Variants in WHRN observed in about 807,000 individuals in gnomAD.
The protein encoded by WHRN is whirlin.
A neutral mutation model predicts 68.3 loss-of-function variants in WHRN; 41 were observed. That is an observed-to-expected ratio of 0.60 (90% CI 0.47 to 0.78). WHRN has a LOEUF of 0.78. Among genes scored for constraint, WHRN ranks in the 30% least tolerant of loss-of-function variants. The pLI, the probability that WHRN is intolerant of heterozygous loss-of-function variation, is 0.00. For synonymous variants in WHRN, 560 were observed against 561.3 expected, an observed-to-expected ratio of 1.00 and a Z score of 0.03; for missense variants, 1,243 against 1,244.7, an observed-to-expected ratio of 1.00 and a Z score of 0.02.
At chr9:114,465,312 G>C (rs1036913140) in intron 3 of WHRN, among the ~76,000 whole-genome samples, 2 of 152,318 alleles carry the variant, frequency 1.3e-5, no homozygotes, top group African/African-American at 4.8e-5. Context: ...TTGTTACAAA[G>C]ATACAACCTC....
At position 114,486,593 on chromosome 9, in the gene WHRN, A is replaced by G. The variant is rs56216634; in HGVS notation, c.619-7822T>C. Among the ~76,000 whole-genome samples, 996 of 152,176 alleles carry G rather than the reference A, an allele frequency of 6.5e-3. 7 individuals carry two copies. The highest frequency in any genetic ancestry group is 0.023 in the African/African-American group (954 of 41,456). ...ATCTGTTCAAATTAGGACACAGAGC[A>G]GTGCTCTTTCAGATCAGTAGTCAGG... On this transcript the variant is annotated intron_variant, in intron 1 of 11. Transcript: ENST00000362057.
At chr9:114,480,373 C>T (rs1490511392) in intron 1 of WHRN, among the ~76,000 whole-genome samples, 2 of 152,174 alleles carry the variant, frequency 1.3e-5, no homozygotes, top group Non-Finnish European at 2.9e-5. Flanking sequence ...CGCCGAAGCC[C>T]TATCCTCAAT....
At chr9:114,503,327 A>G (rs1415938054) in intron 1 of WHRN, 1 of 410,816 alleles carries the variant, frequency 2.4e-6, no homozygotes, top group African/African-American at 2.2e-5. Flanking sequence ...TTGTACGCAA[A>G]GGAGGTCGGG....
chr9:114,413,856 C>T (rs1475838756), intron 7 of WHRN, among the ~76,000 whole-genome samples: 3 of 152,198 alleles, frequency 2.0e-5, no homozygotes, highest in Non-Finnish European at 4.4e-5. Context: ...TCCTTGTAAC[C>T]AGGCCTGTGC....
intron 3 of WHRN, among the ~76,000 whole-genome samples, chr9:114,434,712 T>C (rs1018722881): frequency 3.9e-5 from 6 of 152,160 alleles, no homozygotes; most frequent in Non-Finnish European, 8.8e-5. Flanking sequence ...TACCACAGCC[T>C]CCTAAGGGGC....
At position 114,423,434 on chromosome 9, in the gene WHRN, G is replaced by A. The variant is rs759882983; in HGVS notation, c.1506C>T (p.Ser502=). ...DHLVLRREIE[S]MKARQPPGPG... The stretch of plus-strand genomic sequence containing the variant: ...GGCCTGGGGGCTGCCGCGCCTTCAT[G>A]GACTCAATCTCACGCCTCAGCACCA... The change falls in exon 7 of 12, where the codon TCC becomes TCT. Residue 502 remains serine, a synonymous_variant. Coordinates refer to ENST00000362057, the MANE Select transcript of WHRN (RefSeq NM_015404.4). 6.2e-7 allele frequency: 1 copy of A among 1,614,092 alleles called. No homozygotes were observed.
chr9:114,492,493 T>A (rs752766015), intron 1 of WHRN, among the ~76,000 whole-genome samples: 4 of 152,196 alleles, frequency 2.6e-5, no homozygotes, highest in Non-Finnish European at 5.9e-5. Flanking sequence ...TCATCATACA[T>A]CGCTTGGTGT....
At chr9:114,462,222 A>T (rs1256788437) in intron 3 of WHRN, among the ~76,000 whole-genome samples, 2 of 152,210 alleles carry the variant, frequency 1.3e-5, no homozygotes, top group African/African-American at 4.8e-5. Context: ...CTGGGTCTAC[A>T]GTCCCACAGA....
intron 2 of WHRN, among the ~76,000 whole-genome samples, chr9:114,467,387 C>T (rs913962754): frequency 7.2e-5 from 11 of 151,984 alleles, no homozygotes; most frequent in East Asian, 1.9e-4. Flanking sequence ...GTGAGCAGCG[C>T]GTGACAAAGT....
chr9:114,502,641 C>T (rs1354629835), intron 1 of WHRN, among the ~76,000 whole-genome samples: 2 of 152,152 alleles, frequency 1.3e-5, no homozygotes, highest in Non-Finnish European at 2.9e-5. Context: ...ATTGAAGGGA[C>T]AGTCTGCGTT....
intron 2 of WHRN, among the ~76,000 whole-genome samples, chr9:114,468,059 G>A (rs1388922679): frequency 6.6e-6 from 1 of 152,210 alleles, no homozygotes; most frequent in Admixed American, 6.5e-5. Flanking sequence ...TGGTGAACAA[G>A]AGAGACTCAA....
At chr9:114,403,474 C>G (rs1272534217) in intron 10 of WHRN, 135 bp from the exon 11 acceptor site, 1 of 1,178,478 alleles carries the variant, frequency 8.5e-7, no homozygotes, top group African/African-American at 1.5e-5. Context: ...CTCAGGTGTG[C>G]AACGCACTAA....
intron 3 of WHRN, among the ~76,000 whole-genome samples, chr9:114,456,578 A>G (rs2132797902): frequency 6.6e-6 from 1 of 152,298 alleles, no homozygotes; most frequent in Non-Finnish European, 1.5e-5. Flanking sequence ...CTGTAATCCC[A>G]GCACTTTGGG....
At chr9:114,451,811 TG>T (rs1286485116) in intron 3 of WHRN, among the ~76,000 whole-genome samples, 1 of 152,246 alleles carries the variant, frequency 6.6e-6, no homozygotes, top group Non-Finnish European at 1.5e-5. Context: ...TAGACCCACC[TG>T]GGTTTGAATC....
At chr9:114,452,917 T>A (rs977732034) in intron 3 of WHRN, among the ~76,000 whole-genome samples, 2 of 151,748 alleles carry the variant, frequency 1.3e-5, no homozygotes, top group Non-Finnish European at 2.9e-5. Flanking sequence ...TAGAGCCCCG[T>A]TGCCATCAGG....
chr9:114,404,914 T>C (rs545946248), intron 9 of WHRN, among the ~76,000 whole-genome samples: 8 of 151,866 alleles, frequency 5.3e-5, no homozygotes, highest in Admixed American at 2.6e-4. Flanking sequence ...CCGGCTGTTA[T>C]ACACATAGTG....
rs756372962 is a variant in WHRN, at chr9:114,504,355, G to T, written c.447C>A (p.His149Gln). 6.2e-7 allele frequency: 1 copy of T among 1,608,202 alleles called. No individual in the cohort carries two copies. The highest frequency in any genetic ancestry group is 1.7e-5 in the Admixed American group (1 of 60,030). The change falls in exon 1 of 12, where the codon CAC becomes CAA. Residue 149 changes from histidine to glutamine, a missense_variant. Coordinates refer to ENST00000362057, the MANE Select transcript of WHRN (RefSeq NM_015404.4). ...CACGGATGCTGAAGCCCAAGCCCTC[G>T]TGGGCCTTGGCACGCCGCAAACTCA... ...RLVSLRRAKA[H>Q]EGLGFSIRGG...
At chr9:114,461,833 C>T (rs1156245881) in intron 3 of WHRN, among the ~76,000 whole-genome samples, 1 of 152,180 alleles carries the variant, frequency 6.6e-6, no homozygotes, top group Admixed American at 6.5e-5. Context: ...GGTATTATTA[C>T]AATTGTAACT....
Position 114,424,397 on chromosome 9 carries a change from A to T in WHRN, c.1353T>A (p.Gly451=), listed in dbSNP as rs4979387. The T allele has an allele frequency of 6.2e-7, 1 of 1,612,630 alleles. No homozygotes were observed. The highest frequency in any genetic ancestry group is 8.5e-7 in the Non-Finnish European group (1 of 1,179,962). ...CGAGGGCCTCCACAGAGACGCTGCCACCACGGTACTCATCCAGGTAGTAGG... is the reference window on the plus strand; with the variant it reads ...CGAGGGCCTCCACAGAGACGCTGCCTCCACGGTACTCATCCAGGTAGTAGG... ...TMAYYLDEYR[G]GSVSVEALVM... Residue 451 remains glycine (G), a synonymous_variant, in exon 6 of 12, where the codon GGT becomes GGA. Transcript: ENST00000362057.
Sources: gnomAD v4.1 joint callset for allele counts (sites outside exome capture counted in the v4.1 genomes callset) on GRCh38, gnomAD v4.1.1 for gene constraint, MANE v1.5 for transcripts, NCBI Gene and HGNC (gene_info 2026-07-23, HGNC 2026-07-21) for gene names.